The following CAMTA1 variants were observed in gnomAD, a reference collection of about 807,000 sequenced individuals.
CAMTA1 encodes the protein calmodulin binding transcription activator 1, also known as calmodulin-binding transcription activator 1.
Under a neutral mutation model 170.9 loss-of-function variants are expected in CAMTA1, and 27 were observed. That is an observed-to-expected ratio of 0.16 (90% CI 0.12 to 0.22). The LOEUF is 0.22. CAMTA1 is among the 10% of genes least tolerant of loss of function. The pLI, the probability that CAMTA1 is intolerant of heterozygous loss-of-function variation, is 1.00. For missense variants in CAMTA1, 1,619 were observed against 2,217.2 expected (o/e 0.73, Z 5.42); for synonymous variants, 833 against 891.5 (o/e 0.93, Z 1.17).
intron 11 of CAMTA1, among the ~76,000 whole-genome samples, chr1:7,710,069 C>T (rs1413875125): frequency 7.2e-5 from 11 of 152,132 alleles, no homozygotes; most frequent in Non-Finnish European, 8.8e-5. Flanking sequence ...ATTTAGCAGT[C>T]GCATAAGGCC....
At chr1:7,033,008 C>G (rs1473519098) in intron 3 of CAMTA1, among the ~76,000 whole-genome samples, 3 of 152,040 alleles carry the variant, frequency 2.0e-5, no homozygotes, top group Non-Finnish European at 4.4e-5. Context: ...TGGAGTTAAT[C>G]AAGATGATTA....
At chr1:7,197,257 G>A (rs1039169424) in intron 4 of CAMTA1, among the ~76,000 whole-genome samples, 2 of 152,206 alleles carry the variant, frequency 1.3e-5, no homozygotes, top group African/African-American at 2.4e-5. Flanking sequence ...CAGCAGCCAG[G>A]AGATGCTGAC....
At chr1:7,425,417 T>C (rs2091825136) in intron 5 of CAMTA1, among the ~76,000 whole-genome samples, 1 of 152,030 alleles carries the variant, frequency 6.6e-6, no homozygotes, top group African/African-American at 2.4e-5. Context: ...CCCTAGCCCA[T>C]GTCAGTCATC....
At position 7,680,896 on chromosome 1, in the gene CAMTA1, GT is replaced by G. The variant is rs1163545647; in HGVS notation, c.2914+3164del. ...CAGCAGCAGCAGCTGCTGCGGCGAAGTCTTTGTCCCCGCGGCGCAGCCTTTG... is the reference window on the plus strand; with the variant it reads ...CAGCAGCAGCAGCTGCTGCGGCGAAGCTTTGTCCCCGCGGCGCAGCCTTTG... On this transcript the variant is annotated intron_variant, in intron 11 of 22. Transcript: ENST00000303635. The surrounding 1 kb of genome is among the most constrained non-coding windows in gnomAD (Gnocchi z 4.4). 1.0e-4 allele frequency among the ~76,000 whole-genome samples: 14 copies of G among 134,614 alleles called. No individual in the cohort carries two copies. Among genetic ancestry groups the G allele is most frequent in the Non-Finnish European group, 2.2e-4 (13 of 58,012 alleles). 88.3% of individuals were successfully genotyped at this position (134,614 alleles called of 152,430 possible).
chr1:7,557,167 G>C lies in CAMTA1; in HGVS notation c.511-83233G>C, dbSNP rs575549867. ...TACTAAAATACAAAAAATTAGCGGG[G>C]CGTGGCAGTGTGTGCCTGTAATCCC... On this transcript the variant is annotated intron_variant, in intron 6 of 22. Transcript: ENST00000303635. 1.1e-4 allele frequency among the ~76,000 whole-genome samples: 17 copies of C among 152,172 alleles called. 1 individual carries two copies. Among genetic ancestry groups the C allele is most frequent in the African/African-American group, 3.9e-4 (16 of 41,506 alleles).
chr1:7,049,993 G>A (rs1251492941), intron 3 of CAMTA1, among the ~76,000 whole-genome samples: 1 of 152,150 alleles, frequency 6.6e-6, no homozygotes, highest in Non-Finnish European at 1.5e-5. Context: ...GGAGGGAATG[G>A]GGTCCAGCGG....
intron 5 of CAMTA1, among the ~76,000 whole-genome samples, chr1:7,296,587 A>C (rs1296538547): frequency 1.3e-5 from 2 of 152,166 alleles, no homozygotes; most frequent in East Asian, 3.9e-4. Flanking sequence ...ATGATCCCAA[A>C]GTTGGGTGCC....
chr1:7,002,492 TCAGCATC>T (rs1227243280), intron 3 of CAMTA1, among the ~76,000 whole-genome samples: 2 of 152,224 alleles, frequency 1.3e-5, no homozygotes, highest in African/African-American at 2.4e-5. Context: ...CACCAGAATA[TCAGCATC>T]CTTCTCAGTG....
intron 5 of CAMTA1, among the ~76,000 whole-genome samples, chr1:7,439,107 G>A (rs753211548): frequency 5.9e-5 from 9 of 152,142 alleles, no homozygotes; most frequent in African/African-American, 9.7e-5. Context: ...CCAGAGCTGC[G>A]TCCTCCCAGG....
rs2084057436 is a variant in CAMTA1 at position 7,344,243 on chromosome 1, T to C, written c.438+94617T>C. Among the ~76,000 whole-genome samples the C allele has an allele frequency of 1.3e-5, 2 of 152,232 alleles. 1 individual carries two copies. Among genetic ancestry groups the C allele is most frequent in the South Asian group, 4.1e-4 (2 of 4,830 alleles). On this transcript the variant is annotated intron_variant, in intron 5 of 22. Coordinates refer to ENST00000303635, the MANE Select transcript of CAMTA1 (RefSeq NM_015215.4). Reference sequence around the variant, plus strand: ...CTGTGGAGGCTAAGACCTTTGCATGTGGTCTTTTCACCTGGTCTTCCCTGG... The same window carrying C: ...CTGTGGAGGCTAAGACCTTTGCATGCGGTCTTTTCACCTGGTCTTCCCTGG...
chr1:6,842,110 C>G (rs1656014213), intron 3 of CAMTA1, among the ~76,000 whole-genome samples: 1 of 152,234 alleles, frequency 6.6e-6, no homozygotes, highest in Admixed American at 6.5e-5. Flanking sequence ...TCCTCACCCG[C>G]TAAATTGTAG....
intron 22 of CAMTA1, among the ~76,000 whole-genome samples, chr1:7,756,189 G>A (rs2096930379): frequency 6.6e-6 from 1 of 151,438 alleles, no homozygotes. Context: ...CTGCTCCTGT[G>A]CCTGCATTTT....
At position 7,664,038 on chromosome 1, in the gene CAMTA1, G is replaced by A. The variant is rs773859147; in HGVS notation, c.1491G>A (p.Thr497=). The stretch of plus-strand genomic sequence containing the variant: ...TTAATAACCCAAAGCAGGGCCAGAC[G>A]TACGGGGGTGGAGGCCTGAAAGCCG... ...CFLNNPKQGQ[T]YGGGGLKAEM... Residue 497 remains threonine, a synonymous_variant, in exon 9 of 23, where the codon ACG becomes ACA. Coordinates refer to ENST00000303635, the MANE Select transcript of CAMTA1 (RefSeq NM_015215.4). 8 of 1,613,876 alleles carry A rather than the reference G, an allele frequency of 5.0e-6. No homozygotes were observed. The East Asian group carries it at 6.7e-5, about 13-fold the overall frequency.
At chr1:7,370,929 T>TTTTTTTTTGTG (rs2086401074) in intron 5 of CAMTA1, among the ~76,000 whole-genome samples, 1 of 143,748 alleles carries the variant, frequency 7.0e-6, no homozygotes. Context: ...TTTTTTTTTT[T>TTTTTTTTTGTG]GAGACGGAGT....
chr1:7,282,280 A>G (rs1218848910), intron 5 of CAMTA1, among the ~76,000 whole-genome samples: 1 of 152,082 alleles, frequency 6.6e-6, no homozygotes, highest in Non-Finnish European at 1.5e-5. Flanking sequence ...CTGGTTTTCC[A>G]GTAGCTCCAA....
intron 4 of CAMTA1, among the ~76,000 whole-genome samples, chr1:7,095,114 C>G (rs1041120987): frequency 4.0e-5 from 6 of 151,532 alleles, no homozygotes; most frequent in African/African-American, 9.7e-5. Context: ...CACTCATCGC[C>G]TTCTGACACA....
intron 11 of CAMTA1, among the ~76,000 whole-genome samples, chr1:7,704,742 A>G (rs2096488419): frequency 6.9e-6 from 1 of 145,548 alleles, no homozygotes; most frequent in Non-Finnish European, 1.5e-5. Context: ...CGGTACCCGG[A>G]GCCCCGCGAG....
intron 6 of CAMTA1, among the ~76,000 whole-genome samples, chr1:7,521,247 A>AC (rs2094361077): frequency 6.6e-6 from 1 of 152,090 alleles, no homozygotes; most frequent in Admixed American, 6.6e-5. Flanking sequence ...AAAAGATGAT[A>AC]CCCCATCAGC....
At chr1:7,753,589 T>A (rs1325640686) in intron 21 of CAMTA1, among the ~76,000 whole-genome samples, 1 of 152,262 alleles carries the variant, frequency 6.6e-6, no homozygotes, top group African/African-American at 2.4e-5. Context: ...GAAAATATCT[T>A]GCCTTTAAGA....
Sources: allele counts gnomAD v4.1 joint callset (sites outside exome capture counted in the v4.1 genomes callset), GRCh38; gene constraint gnomAD v4.1.1; non-coding constraint Gnocchi (gnomAD v3.1); transcripts MANE v1.5; gene names NCBI Gene and HGNC (gene_info 2026-07-23, HGNC 2026-07-21).